The following FMO3 variants were observed in gnomAD, a reference collection of about 807,000 sequenced individuals.
FMO3 encodes the protein flavin-containing monooxygenase 3.
In FMO3, 40 loss-of-function variants were observed where a neutral mutation model predicts 39.4. The observed-to-expected ratio is 1.02, with a 90% confidence interval of 0.79 to 1.32. The LOEUF is 1.32. Among genes scored for constraint, FMO3 ranks in the 40% most tolerant of loss-of-function variants. FMO3 has a pLI of 0.00. For synonymous variants in FMO3, 219 were observed against 228.8 expected, an observed-to-expected ratio of 0.96 and a Z score of 0.39; for missense variants, 680 against 651.8, an observed-to-expected ratio of 1.04 and a Z score of -0.47.
At chr1:171,096,179 A>G (rs1324127844) in intron 2 of FMO3, among the ~76,000 whole-genome samples, 1 of 64,260 alleles carries the variant, frequency 1.6e-5, no homozygotes, top group Non-Finnish European at 2.4e-5. Flanking sequence ...ATTATATATA[A>G]TATATTAATA....
chr1:171,105,658 T>C (rs1031770503), intron 3 of FMO3, among the ~76,000 whole-genome samples: 8 of 152,208 alleles, frequency 5.3e-5, no homozygotes, highest in East Asian at 1.9e-4. Flanking sequence ...ACTGTCTTGA[T>C]TGAGTTTGGC....
At chr1:171,096,670 ATTTT>A (rs1655092766) in intron 2 of FMO3, among the ~76,000 whole-genome samples, 1 of 94,690 alleles carries the variant, frequency 1.1e-5, no homozygotes, top group African/African-American at 5.1e-5. Flanking sequence ...TAAAATATAT[ATTTT>A]ATATTTAAAA....
rs200165797 is a variant in FMO3, at chr1:171,108,103, G to C, written c.509G>C (p.Cys170Ser). 1.4e-5 allele frequency: 22 copies of C among 1,613,658 alleles called. No homozygotes were observed. The highest frequency in any genetic ancestry group is 1.3e-4 in the Admixed American group (8 of 59,934). The change falls in exon 5 of 9, where the codon TGC (cysteine) becomes TCC (serine). Residue 170 changes from cysteine to serine, a missense_variant. Physicochemically the swap from Cys to Ser is moderately radical, Grantham distance 112 (BLOSUM62 -1). Transcript: ENST00000367755. ...FPGLNHFKGK[C>S]FHSRDYKEPG... ...GGACTAAACCACTTTAAAGGCAAAT[G>C]CTTCCACAGCAGGGACTATAAAGAA...
chr1:171,107,439 C>T (rs1655692909), intron 3 of FMO3, among the ~76,000 whole-genome samples: 1 of 152,110 alleles, frequency 6.6e-6, no homozygotes, highest in Non-Finnish European at 1.5e-5. Context: ...TGCCATATCT[C>T]CAAGGGGTGT....
chr1:171,093,938 G>A (rs960231760), intron 2 of FMO3, among the ~76,000 whole-genome samples: 9 of 141,774 alleles, frequency 6.3e-5, no homozygotes, highest in South Asian at 2.3e-4. Context: ...GGGTTCAAAC[G>A]ATTCTCCTAC....
intron 6 of FMO3, among the ~76,000 whole-genome samples, chr1:171,113,171 C>T (rs970557678): frequency 6.6e-6 from 1 of 152,194 alleles, no homozygotes; most frequent in African/African-American, 2.4e-5. Flanking sequence ...AAGAACAACA[C>T]TCTTTCCTTC....
At chr1:171,106,393 C>T (rs1418620861) in intron 3 of FMO3, among the ~76,000 whole-genome samples, 1 of 152,086 alleles carries the variant, frequency 6.6e-6, no homozygotes, top group African/African-American at 2.4e-5. Flanking sequence ...ACCTGCCTCA[C>T]CCTCCCAAAG....
intron 2 of FMO3, 57 bp from the exon 3 acceptor site, chr1:171,103,728 C>A: frequency 7.1e-7 from 1 of 1,415,380 alleles, no homozygotes; most frequent in Non-Finnish European, 1.0e-6. Context: ...CCAGCCCTGA[C>A]CATGATCAGT....
chr1:171,113,907 A>T lies in FMO3; in HGVS notation c.828-100A>T. Reference sequence around the variant, plus strand: ...ATACTCTATGCCTCAGAAAAAAAAAATCTTGGGTCATTTTTTCCTTCCTTA... The same window carrying T: ...ATACTCTATGCCTCAGAAAAAAAAATTCTTGGGTCATTTTTTCCTTCCTTA... On this transcript the variant is annotated intron_variant, in intron 6 of 8. Transcript: ENST00000367755. 4.8e-6 allele frequency: 4 copies of T among 841,800 alleles called. No homozygotes were observed. In the South Asian group the frequency reaches 7.7e-5, roughly 16 times the overall value. 52.1% of individuals were successfully genotyped at this position (841,800 alleles called of 1,614,324 possible).
chr1:171,103,040 G>C (rs150540909), intron 2 of FMO3, among the ~76,000 whole-genome samples: 1 of 152,154 alleles, frequency 6.6e-6, no homozygotes, highest in East Asian at 1.9e-4. Flanking sequence ...TTACAAATCT[G>C]ATCAATAGTT....
Position 171,114,201 on chromosome 1 carries a change from C to T in FMO3, c.1022C>T (p.Ser341Phe). Residue 341 changes from serine (S) to phenylalanine (F), a missense_variant, in exon 7 of 9, where the codon TCT becomes TTT. Transcript: ENST00000367755. Reference sequence around the variant, plus strand: ...TTTGCCTACCCCTTCCTTGATGAGTCTATCATCAAAAGCAGAAACAATGAG... The same window carrying T: ...TTTGCCTACCCCTTCCTTGATGAGTTTATCATCAAAAGCAGAAACAATGAG... ...YSFAYPFLDE[S>F]IIKSRNNEII... 6.2e-7 allele frequency: 1 copy of T among 1,613,786 alleles called. No homozygotes were observed. Among genetic ancestry groups the T allele is most frequent in the East Asian group, 2.2e-5 (1 of 44,860 alleles).
chr1:171,095,956 AAT>A, intron 2 of FMO3, among the ~76,000 whole-genome samples: 1 of 76,662 alleles, frequency 1.3e-5, no homozygotes, highest in East Asian at 3.1e-4. Context: ...TATGTATTAT[AAT>A]TATATATTTA....
rs1461019933 is a variant in FMO3, at chr1:171,096,425, AATATAT to A, written c.132+3638_132+3643del. 3.9e-4 allele frequency among the ~76,000 whole-genome samples: 40 copies of A among 103,164 alleles called. 1 individual carries two copies. The highest frequency in any genetic ancestry group is 9.4e-4 in the East Asian group (3 of 3,180). The allele number at this position is 103,164 out of a possible 152,430, so 67.7% of individuals were successfully genotyped here. On this transcript the variant is annotated intron_variant, in intron 2 of 8. Coordinates refer to ENST00000367755, the MANE Select transcript of FMO3 (RefSeq NM_001002294.3). Reference sequence around the variant, plus strand: ...CATATATATTATATATGTTATATATAATATATATTACATATTTTATATATTAAATAT... The same window carrying A: ...CATATATATTATATATGTTATATATAATTACATATTTTATATATTAAATAT...
intron 5 of FMO3, among the ~76,000 whole-genome samples, chr1:171,109,951 T>G (rs957633046): frequency 4.9e-4 from 75 of 152,150 alleles, no homozygotes; most frequent in African/African-American, 1.7e-3. Flanking sequence ...ACTACACTAT[T>G]ATGGATTAGC....
At chr1:171,091,791 T>C (rs1654720027) in intron 1 of FMO3, among the ~76,000 whole-genome samples, 1 of 152,058 alleles carries the variant, frequency 6.6e-6, no homozygotes, top group Non-Finnish European at 1.5e-5. Flanking sequence ...AAGTACATTA[T>C]TGATGGGGAG....
At chr1:171,113,194 A>G (rs1308446714) in intron 6 of FMO3, among the ~76,000 whole-genome samples, 1 of 152,202 alleles carries the variant, frequency 6.6e-6, no homozygotes, top group African/African-American at 2.4e-5. Context: ...CTGTATTCAC[A>G]TTCATCCCTG....
At chr1:171,107,104 G>A (rs1428855565) in intron 3 of FMO3, among the ~76,000 whole-genome samples, 1 of 152,068 alleles carries the variant, frequency 6.6e-6, no homozygotes, top group Non-Finnish European at 1.5e-5. Flanking sequence ...TTTTAAAACA[G>A]GGAGCACACC....
rs554205075 is a variant in FMO3 at position 171,113,016 on chromosome 1, G to A, written c.828-991G>A. On this transcript the variant is annotated intron_variant, in intron 6 of 8. Coordinates refer to ENST00000367755, the MANE Select transcript of FMO3 (RefSeq NM_001002294.3). ...CATCAATTATGTTAAATGCTAAGTT[G>A]AGTAAAAGGGAAAGTGAGGGTGGAC... Among the ~76,000 whole-genome samples the A allele has an allele frequency of 8.2e-4, 125 of 152,292 alleles. 1 individual carries two copies. Among genetic ancestry groups the A allele is most frequent in the Admixed American group, 3.1e-3 (47 of 15,290 alleles).
At chr1:171,092,230 GT>G (rs774863329) in intron 1 of FMO3, among the ~76,000 whole-genome samples, 8 of 151,930 alleles carry the variant, frequency 5.3e-5, no homozygotes, top group Non-Finnish European at 5.9e-5. Flanking sequence ...AAAGGAATTT[GT>G]TTTCTAGAGA....
Sources: allele counts gnomAD v4.1 joint callset (sites outside exome capture counted in the v4.1 genomes callset), GRCh38; gene constraint gnomAD v4.1.1; transcripts MANE v1.5; gene names NCBI Gene and HGNC (gene_info 2026-07-23, HGNC 2026-07-21).